Variants in DGKD observed in about 807,000 individuals in gnomAD.
The protein encoded by DGKD is diacylglycerol kinase delta, also known as DAG kinase delta.
Under a neutral mutation model 154.4 loss-of-function variants are expected in DGKD, and 68 were observed. The ratio of observed to expected loss-of-function variants is 0.44; its 90% CI spans 0.36 to 0.54. The LOEUF is 0.54. Ranked by LOEUF, DGKD falls within the 20% of genes least tolerant of loss-of-function variation. The probability of loss-of-function intolerance (pLI) is 0.00; values close to 1 mark genes in which losing one functional copy is unlikely to be tolerated. For missense variants in DGKD, 1,343 were observed against 1,593.6 expected (o/e 0.84, Z 2.68); for synonymous variants, 693 against 638.0 (o/e 1.09, Z -1.30).
At chr2:233,360,198 A>C (rs1701714876) in intron 1 of DGKD, among the ~76,000 whole-genome samples, 1 of 152,150 alleles carries the variant, frequency 6.6e-6, no homozygotes, top group Admixed American at 6.5e-5. Context: ...ATCTCTACCA[A>C]ATTTGGTCCA....
intron 1 of DGKD, among the ~76,000 whole-genome samples, chr2:233,357,683 A>G (rs1474605286): frequency 6.6e-6 from 1 of 151,838 alleles, no homozygotes; most frequent in Non-Finnish European, 1.5e-5. Flanking sequence ...ACTACAGGCA[A>G]ATGCCACCAT....
Position 233,469,539 on chromosome 2 carries a change from C to T in DGKD, c.*79C>T, listed in dbSNP as rs953609315. 4.9e-5 allele frequency: 62 copies of T among 1,259,634 alleles called. No homozygotes were observed. In the Middle Eastern group the frequency reaches 7.8e-4, roughly 16 times the overall value. 78.0% of individuals were successfully genotyped at this position (1,259,634 alleles called of 1,614,324 possible). On this transcript the variant is annotated 3_prime_UTR_variant, in exon 30 of 30. Coordinates refer to ENST00000264057, the MANE Select transcript of DGKD (RefSeq NM_152879.3). ...CCGCCCTCTCAGCCTGTGGCCTCTG[C>T]GCCTCCTGCCACTGAGGCCCTGGGC...
chr2:233,468,266 A>G (rs62195094), intron 28 of DGKD, among the ~76,000 whole-genome samples, 157 bp from the exon 29 acceptor site: 38 of 133,688 alleles, frequency 2.8e-4, no homozygotes, highest in Admixed American at 4.5e-4. Context: ...CTGCTGGGCT[A>G]TCTCAGGCGC....
At chr2:233,412,203 G>C (rs980012195) in intron 3 of DGKD, among the ~76,000 whole-genome samples, 3 of 152,104 alleles carry the variant, frequency 2.0e-5, no homozygotes, top group African/African-American at 7.2e-5. Flanking sequence ...GGGGAGAATT[G>C]CTATCTTAAT....
At chr2:233,362,521 G>A (rs1313817849) in intron 1 of DGKD, among the ~76,000 whole-genome samples, 1 of 152,092 alleles carries the variant, frequency 6.6e-6, no homozygotes, top group East Asian at 1.9e-4. Flanking sequence ...TGTGGTGGCA[G>A]ATGCCTGTAA....
In DGKD at chr2:233,368,670, TC is replaced by T. The variant is rs1162074043; in HGVS notation, c.156+14002del. 9.9e-5 allele frequency among the ~76,000 whole-genome samples: 15 copies of T among 152,006 alleles called. 1 individual carries two copies. The highest frequency in any genetic ancestry group is 1.8e-4 in the Non-Finnish European group (12 of 67,994). The stretch of plus-strand genomic sequence containing the variant: ...TCCCCAGTAGAGGCAAATGTTTCTC[TC>T]CCCCCAACCCTAAACCCCCACACCC... On this transcript the variant is annotated intron_variant, in intron 1 of 29. Coordinates refer to ENST00000264057, the MANE Select transcript of DGKD (RefSeq NM_152879.3).
At chr2:233,370,574 T>C (rs1559476862) in intron 1 of DGKD, among the ~76,000 whole-genome samples, 1 of 143,748 alleles carries the variant, frequency 7.0e-6, no homozygotes, top group African/African-American at 2.5e-5. Context: ...CTTCTTCTTT[T>C]TTTTTTTTTT....
chr2:233,459,160 G>A lies in DGKD; in HGVS notation c.2695-597G>A, dbSNP rs752910040. Among the ~76,000 whole-genome samples the A allele has an allele frequency of 5.3e-5, 8 of 152,174 alleles. No homozygotes were observed. The highest frequency in any genetic ancestry group is 1.2e-4 in the Non-Finnish European group (8 of 68,034). ...TGACAGCAGCGATGGGCTGAGGGCA[G>A]TCTTTCTGTGAGGATGGGGCAGGAC... On this transcript the variant is annotated intron_variant, in intron 22 of 29. Coordinates refer to ENST00000264057, the MANE Select transcript of DGKD (RefSeq NM_152879.3). This position sits in a 1 kb window ranked among gnomAD's most constrained non-coding sequence, Gnocchi z 5.7.
chr2:233,387,841 G>A (rs1703288889), intron 1 of DGKD, among the ~76,000 whole-genome samples: 1 of 152,172 alleles, frequency 6.6e-6, no homozygotes, highest in Non-Finnish European at 1.5e-5. Context: ...AGAAATGGCA[G>A]GGGGCCAGAG....
intron 3 of DGKD, chr2:233,392,446 G>A (rs919004295): frequency 2.0e-5 from 3 of 152,172 alleles, no homozygotes. Context: ...TTTCCCACTG[G>A]TATGTATGCA....
In DGKD at chr2:233,452,437, AC is replaced by A. The variant is rs1280855908; in HGVS notation, c.2264+378del. Among the ~76,000 whole-genome samples the A allele has an allele frequency of 1.3e-5, 2 of 152,222 alleles. No homozygotes were observed. Among genetic ancestry groups the A allele is most frequent in the Admixed American group, 1.3e-4 (2 of 15,298 alleles). The stretch of plus-strand genomic sequence containing the variant: ...GGCTGGACCTCACTGACTTCTGCTT[AC>A]AGCCTGCCATCTTCCTCTTGCCATC... On this transcript the variant is annotated intron_variant, in intron 18 of 29. Coordinates refer to ENST00000264057, the MANE Select transcript of DGKD (RefSeq NM_152879.3). This position sits in a 1 kb window ranked among gnomAD's most constrained non-coding sequence, Gnocchi z 4.0.
rs1468400895 is a variant in DGKD, at chr2:233,449,704, C to T, written c.1889-278C>T. 6.6e-6 allele frequency among the ~76,000 whole-genome samples: 1 copy of T among 152,164 alleles called. No homozygotes were observed. The highest frequency in any genetic ancestry group is 1.5e-5 in the Non-Finnish European group (1 of 68,022). On this transcript the variant is annotated intron_variant, in intron 15 of 29. Coordinates refer to ENST00000264057, the MANE Select transcript of DGKD (RefSeq NM_152879.3). This position sits in a 1 kb window ranked among gnomAD's most constrained non-coding sequence, Gnocchi z 5.3. ...TGCGTGTCCATGCAGCCGCTCCTCC[C>T]GCTTGCAGCCCTCCAGCCTGCGCCA... is the stretch of plus-strand genomic sequence containing the variant.
chr2:233,397,751 A>AGG (rs941205121), intron 3 of DGKD, among the ~76,000 whole-genome samples: 1 of 151,766 alleles, frequency 6.6e-6, no homozygotes, highest in Non-Finnish European at 1.5e-5. Context: ...CTGGAAGGGG[A>AGG]GGGAGGTTTG....
intron 3 of DGKD, among the ~76,000 whole-genome samples, chr2:233,425,415 C>T (rs1194154474): frequency 6.6e-6 from 1 of 152,108 alleles, no homozygotes; most frequent in Non-Finnish European, 1.5e-5. Context: ...TCTCGATCTC[C>T]TGACCTCGTG....
intron 1 of DGKD, among the ~76,000 whole-genome samples, chr2:233,365,228 G>A (rs1701964193): frequency 6.6e-6 from 1 of 151,838 alleles, no homozygotes; most frequent in African/African-American, 2.4e-5. Context: ...ACACAAGAAC[G>A]GAACTTTTTT....
rs752451612 is a variant in DGKD, at chr2:233,450,947, G to A, written c.2064G>A (p.Leu688=). 13 of 1,607,858 alleles carry A rather than the reference G, an allele frequency of 8.1e-6. No individual in the cohort carries two copies. Among genetic ancestry groups the A allele is most frequent in the South Asian group, 4.4e-5 (4 of 90,958 alleles). Residue 688 remains leucine (L), a synonymous_variant, in exon 17 of 30, where the codon CTG becomes CTA. Coordinates refer to ENST00000264057, the MANE Select transcript of DGKD (RefSeq NM_152879.3). The stretch of plus-strand genomic sequence containing the variant: ...TGTCGAAATCTCCGTGTGAAAAGCT[G>A]ATCAGCAAAGGGAGTCTGTCCCTAG... ...RKVSKSPCEK[L]ISKGSLSLGS...
chr2:233,438,653 CT>C lies in DGKD; in HGVS notation c.1085+277del, dbSNP rs531684052. ...ATCTTTTGAGCCAATCAGGATTCTT[CT>C]TTACCTGCCGTTGCACAAATGCCTT... On this transcript the variant is annotated intron_variant, in intron 9 of 29. Transcript: ENST00000264057. This position sits in a 1 kb window ranked among gnomAD's most constrained non-coding sequence, Gnocchi z 4.1. 1.8e-3 allele frequency among the ~76,000 whole-genome samples: 273 copies of C among 152,354 alleles called. 3 individuals are homozygous for C. The highest frequency in any genetic ancestry group is 2.5e-3 in the Non-Finnish European group (172 of 68,036).
chr2:233,359,490 T>G (rs1276996521), intron 1 of DGKD, among the ~76,000 whole-genome samples: 3 of 89,902 alleles, frequency 3.3e-5, no homozygotes. Flanking sequence ...TTTTTGTCTT[T>G]CTGATTTTTT....
chr2:233,402,504 C>T (rs2061585344), intron 3 of DGKD, among the ~76,000 whole-genome samples: 1 of 152,182 alleles, frequency 6.6e-6, no homozygotes, highest in South Asian at 2.1e-4. Flanking sequence ...CTGGAAGAAG[C>T]AGGTTCTGTT....
Sources: allele counts gnomAD v4.1 joint callset (sites outside exome capture counted in the v4.1 genomes callset), GRCh38; gene constraint gnomAD v4.1.1; non-coding constraint Gnocchi (gnomAD v3.1); transcripts MANE v1.5; gene names NCBI Gene and HGNC (gene_info 2026-07-23, HGNC 2026-07-21).